Variants in KAZN observed in about 807,000 individuals in gnomAD.
The protein encoded by KAZN is kazrin, periplakin interacting protein.
In KAZN, 40 loss-of-function variants were observed where a neutral mutation model predicts 87.4. The ratio of observed to expected loss-of-function variants is 0.46; its 90% CI spans 0.36 to 0.60. The LOEUF (loss-of-function observed/expected upper bound fraction) is 0.60. Ranked by LOEUF, KAZN falls within the 20% of genes least tolerant of loss-of-function variation. KAZN has a pLI of 0.00. For synonymous variants in KAZN, 466 were observed against 458.3 expected (o/e 1.02, Z -0.22); for missense variants, 898 against 1,073.9 (o/e 0.84, Z 2.29).
chr1:13,973,778 C>G (rs1642214180), intron 1 of KAZN, among the ~76,000 whole-genome samples: 1 of 152,232 alleles, frequency 6.6e-6, no homozygotes, highest in African/African-American at 2.4e-5. Flanking sequence ...AGCTTTAACA[C>G]CAGCCCTATC....
At chr1:14,710,005 C>G (rs1642403651) in intron 1 of KAZN, among the ~76,000 whole-genome samples, 1 of 152,276 alleles carries the variant, frequency 6.6e-6, no homozygotes, top group African/African-American at 2.4e-5. Context: ...TCTGAGATCA[C>G]GTGTCATACG....
chr1:15,016,330 G>C (rs1670096019), intron 2 of KAZN, among the ~76,000 whole-genome samples: 1 of 152,170 alleles, frequency 6.6e-6, no homozygotes, highest in Admixed American at 6.5e-5. Context: ...TTGTTGCCTA[G>C]GCTGGAGTGC....
In KAZN at chr1:14,581,810, G is replaced by A. The variant is rs115007211; in HGVS notation, c.250-17173G>A. ...CTGGCTTGTTCCTGTGTGTGATTCAGGTCTCTACTCAATGTCACCTTACTG... is the reference window on the plus strand; with the variant it reads ...CTGGCTTGTTCCTGTGTGTGATTCAAGTCTCTACTCAATGTCACCTTACTG... On this transcript the variant is annotated intron_variant, in intron 2 of 16. Transcript: ENST00000636203. Among the ~76,000 whole-genome samples, 1,375 of 152,192 alleles carry A rather than the reference G, an allele frequency of 9.0e-3. 26 individuals are homozygous for A. Among genetic ancestry groups the A allele is most frequent in the African/African-American group, 0.031 (1,271 of 41,516 alleles).
chr1:14,765,043 C>G (rs578170518), intron 1 of KAZN, among the ~76,000 whole-genome samples: 1 of 152,310 alleles, frequency 6.6e-6, no homozygotes, highest in African/African-American at 2.4e-5. Context: ...TCTCCTCCTC[C>G]AGGCTCCAAG....
At chr1:14,130,737 A>G (rs1486192123) in intron 1 of KAZN, among the ~76,000 whole-genome samples, 3 of 152,136 alleles carry the variant, frequency 2.0e-5, no homozygotes, top group African/African-American at 7.2e-5. Context: ...TGATATTACC[A>G]CTGAGTGTGC....
At chr1:14,013,800 A>G (rs1377437170) in intron 1 of KAZN, among the ~76,000 whole-genome samples, 2 of 152,146 alleles carry the variant, frequency 1.3e-5, no homozygotes, top group African/African-American at 2.4e-5. Flanking sequence ...CTCATTCTGT[A>G]TAGAGTCCTC....
chr1:14,657,055 T>C (rs931875005), intron 1 of KAZN, among the ~76,000 whole-genome samples: 12 of 148,174 alleles, frequency 8.1e-5, no homozygotes, highest in African/African-American at 3.0e-4. Flanking sequence ...GAGCACCTCC[T>C]AGGGTGGGGT....
chr1:14,021,941 T>C (rs1470228686), intron 1 of KAZN, among the ~76,000 whole-genome samples: 1 of 143,904 alleles, frequency 6.9e-6, no homozygotes, highest in African/African-American at 2.5e-5. Flanking sequence ...AAATGGGATG[T>C]GAATGAACAT....
intron 2 of KAZN, among the ~76,000 whole-genome samples, chr1:14,344,180 T>G (rs1657942213): frequency 1.3e-5 from 2 of 149,454 alleles, no homozygotes; most frequent in Non-Finnish European, 3.0e-5. Flanking sequence ...TTTTTTTTTT[T>G]GACAAATATT....
At chr1:14,739,767 G>A (rs75837905) in intron 1 of KAZN, among the ~76,000 whole-genome samples, 2,567 of 152,110 alleles carry the variant, frequency 0.017, 33 homozygotes, top group Non-Finnish European at 0.026. Flanking sequence ...AAAGTGGAAA[G>A]CTTCGAATTT....
chr1:14,670,578 G>A (rs1259103368), intron 1 of KAZN, among the ~76,000 whole-genome samples: 1 of 152,174 alleles, frequency 6.6e-6, no homozygotes, highest in Non-Finnish European at 1.5e-5. Flanking sequence ...CTCTGATTCT[G>A]ATTCAGTAGA....
At chr1:14,325,576 A>C (rs1656353457) in intron 2 of KAZN, among the ~76,000 whole-genome samples, 1 of 152,188 alleles carries the variant, frequency 6.6e-6, no homozygotes, top group Non-Finnish European at 1.5e-5. Context: ...TATTCAAAAA[A>C]ATGGTCAAAA....
intron 1 of KAZN, among the ~76,000 whole-genome samples, chr1:14,834,980 A>G (rs764277467): frequency 1.3e-5 from 2 of 152,238 alleles, no homozygotes; most frequent in Admixed American, 1.3e-4. Context: ...CTAAAAAAAG[A>G]GTAGGTTCCC....
intron 1 of KAZN, among the ~76,000 whole-genome samples, chr1:13,945,170 A>G (rs945433999): frequency 6.6e-6 from 1 of 152,174 alleles, no homozygotes; most frequent in African/African-American, 2.4e-5. Context: ...TCTGGAAGAT[A>G]TGAATAAAAA....
intron 2 of KAZN, among the ~76,000 whole-genome samples, chr1:14,388,813 C>G (rs988844010): frequency 6.6e-6 from 1 of 152,096 alleles, no homozygotes; most frequent in African/African-American, 2.4e-5. Context: ...AGTAATATCC[C>G]ACAAGCACAG....
At chr1:15,060,584 G>T (rs2100526842) in intron 6 of KAZN, 1 of 448,962 alleles carries the variant, frequency 2.2e-6, no homozygotes, top group East Asian at 4.1e-5. Context: ...CTGCCCCAGT[G>T]GGCCCTGTCT....
intron 1 of KAZN, among the ~76,000 whole-genome samples, chr1:14,843,997 T>C (rs1474812598): frequency 1.3e-5 from 2 of 152,208 alleles, no homozygotes; most frequent in African/African-American, 2.4e-5. Context: ...GTTTAAAAAG[T>C]ATATTTGGAG....
chr1:14,795,987 G>A (rs1645816292), intron 1 of KAZN, among the ~76,000 whole-genome samples: 1 of 152,172 alleles, frequency 6.6e-6, no homozygotes, highest in African/African-American at 2.4e-5. Context: ...CATTTGCTGT[G>A]TGTTTCTTTA....
At chr1:14,553,345 G>C (rs1673660822) in intron 2 of KAZN, among the ~76,000 whole-genome samples, 1 of 152,048 alleles carries the variant, frequency 6.6e-6, no homozygotes, top group African/African-American at 2.4e-5. Context: ...TGGGAGAGAG[G>C]GAGACTCTGC....
Sources: allele counts gnomAD v4.1 joint callset (sites outside exome capture counted in the v4.1 genomes callset), GRCh38; gene constraint gnomAD v4.1.1; transcripts MANE v1.5; gene names NCBI Gene and HGNC (gene_info 2026-07-23, HGNC 2026-07-21).